The following RAD51B variants were observed in gnomAD, a reference collection of about 807,000 sequenced individuals.
RAD51B encodes DNA repair protein RAD51 homolog 2.
A neutral mutation model predicts 42.2 loss-of-function variants in RAD51B; 38 were observed. The ratio of observed to expected loss-of-function variants is 0.90; its 90% CI spans 0.70 to 1.18. The LOEUF is 1.18. Ranked by LOEUF, RAD51B falls within the 50% of genes most tolerant of loss-of-function variation. The pLI, the probability that RAD51B is intolerant of heterozygous loss-of-function variation, is 0.00. For missense variants in RAD51B, 373 were observed against 400.7 expected (o/e 0.93, Z 0.59); for synonymous variants, 154 against 145.2 (o/e 1.06, Z -0.43).
chr14:67,832,247 A>G (rs915237433), intron 3 of RAD51B, among the ~76,000 whole-genome samples: 7 of 152,218 alleles, frequency 4.6e-5, no homozygotes, highest in Non-Finnish European at 8.8e-5. Context: ...AAGTGCTGGG[A>G]TTACAGGCAT....
At chr14:68,557,823 T>A (rs1178208762) in intron 10 of RAD51B, among the ~76,000 whole-genome samples, 1 of 152,206 alleles carries the variant, frequency 6.6e-6, no homozygotes, top group Non-Finnish European at 1.5e-5. Flanking sequence ...GTTCTCTGCA[T>A]TTCCTGCCTT....
At chr14:67,958,856 TTTTA>T (rs1300097203) in intron 7 of RAD51B, among the ~76,000 whole-genome samples, 1 of 152,198 alleles carries the variant, frequency 6.6e-6, no homozygotes, top group East Asian at 1.9e-4. Flanking sequence ...TTAAGTTTAG[TTTTA>T]TTTGTTAGAA....
intron 11 of RAD51B, among the ~76,000 whole-genome samples, chr14:68,676,181 A>G (rs1176980770): frequency 6.6e-6 from 1 of 152,222 alleles, no homozygotes; most frequent in Admixed American, 6.5e-5. Context: ...TTCATACTGC[A>G]TATGTTACAG....
intron 7 of RAD51B, among the ~76,000 whole-genome samples, chr14:68,188,083 G>C (rs2079192070): frequency 6.6e-6 from 1 of 152,126 alleles, no homozygotes; most frequent in Non-Finnish European, 1.5e-5. Flanking sequence ...CCAAAGTGCT[G>C]GGATTACAGG....
At chr14:68,183,233 C>A (rs1213400885) in intron 7 of RAD51B, among the ~76,000 whole-genome samples, 1 of 152,184 alleles carries the variant, frequency 6.6e-6, no homozygotes, top group Non-Finnish European at 1.5e-5. Context: ...GGGAAACCAA[C>A]AGTGCAGCTT....
intron 7 of RAD51B, among the ~76,000 whole-genome samples, chr14:68,087,405 AG>A (rs1413339553): frequency 2.2e-4 from 34 of 152,168 alleles, no homozygotes; most frequent in African/African-American, 8.0e-4. Context: ...TACCTTAATT[AG>A]CAAAGATATC....
intron 7 of RAD51B, among the ~76,000 whole-genome samples, chr14:67,959,498 C>T (rs1280412438): frequency 1.3e-5 from 2 of 152,212 alleles, no homozygotes; most frequent in East Asian, 3.9e-4. Context: ...CCTCCTGCCT[C>T]AGCCTCCCAA....
At chr14:68,250,459 G>C (rs2080602846) in intron 7 of RAD51B, among the ~76,000 whole-genome samples, 1 of 152,154 alleles carries the variant, frequency 6.6e-6, no homozygotes, top group African/African-American at 2.4e-5. Flanking sequence ...AAGCTATACA[G>C]TTTACTTTTA....
intron 7 of RAD51B, among the ~76,000 whole-genome samples, chr14:67,969,220 A>T (rs573194834): frequency 6.6e-6 from 1 of 152,348 alleles, no homozygotes; most frequent in South Asian, 2.1e-4. Context: ...GAACCAAACC[A>T]TATCAGTAAG....
intron 8 of RAD51B, among the ~76,000 whole-genome samples, chr14:68,367,830 C>A (rs1461943359): frequency 6.6e-6 from 1 of 152,108 alleles, no homozygotes; most frequent in East Asian, 1.9e-4. Context: ...GTGATGGACA[C>A]AAAGTGCTGG....
intron 7 of RAD51B, among the ~76,000 whole-genome samples, chr14:68,142,849 AT>A (rs2078156375): frequency 6.6e-6 from 1 of 152,052 alleles, no homozygotes; most frequent in Non-Finnish European, 1.5e-5. Context: ...TACCAAACTT[AT>A]ATGCAAATTA....
chr14:68,567,907 T>C (rs1458607157), intron 10 of RAD51B, among the ~76,000 whole-genome samples: 2 of 152,358 alleles, frequency 1.3e-5, no homozygotes, highest in East Asian at 1.9e-4. Flanking sequence ...GAGTTCCATA[T>C]GCAGGGCTGA....
intron 7 of RAD51B, among the ~76,000 whole-genome samples, chr14:68,155,170 G>T (rs1191529555): frequency 6.6e-6 from 1 of 151,728 alleles, no homozygotes; most frequent in Non-Finnish European, 1.5e-5. Flanking sequence ...GAGCTGGGTT[G>T]GTATCATAGT....
chr14:67,863,947 CTTA>C (rs1317669223), intron 4 of RAD51B, among the ~76,000 whole-genome samples: 1 of 151,822 alleles, frequency 6.6e-6, no homozygotes, highest in African/African-American at 2.4e-5. Context: ...GCAAGCACAT[CTTA>C]TTATGGCAGA....
intron 7 of RAD51B, among the ~76,000 whole-genome samples, chr14:68,178,309 G>A (rs1353016742): frequency 1.3e-5 from 2 of 152,096 alleles, no homozygotes; most frequent in African/African-American, 4.8e-5. Flanking sequence ...ACTTAATATT[G>A]TTTGATATGA....
intron 7 of RAD51B, among the ~76,000 whole-genome samples, chr14:68,013,213 A>G (rs1019604222): frequency 1.8e-4 from 27 of 152,142 alleles, no homozygotes; most frequent in African/African-American, 6.3e-4. Flanking sequence ...CTCCAAATGA[A>G]CTAGTTTGGG....
chr14:67,849,442 C>T (rs941978267), intron 4 of RAD51B, among the ~76,000 whole-genome samples: 1 of 152,074 alleles, frequency 6.6e-6, no homozygotes, highest in Non-Finnish European at 1.5e-5. Context: ...CCACCACACC[C>T]AGCTAATTTT....
chr14:68,288,016 T>C (rs2081445722), intron 7 of RAD51B, among the ~76,000 whole-genome samples: 1 of 152,180 alleles, frequency 6.6e-6, no homozygotes, highest in South Asian at 2.1e-4. Context: ...ACTGTGCAAA[T>C]TGCTCTTACA....
At chr14:68,596,142 G>A (rs1890989210), downstream of RAD51B, 1 of 611,336 alleles carries the variant, frequency 1.6e-6, no homozygotes, top group Non-Finnish European at 2.1e-6. Context: ...ACACTTCTGG[G>A]GCAAGAGGCA....
Sources: gnomAD v4.1 joint callset for allele counts (sites outside exome capture counted in the v4.1 genomes callset) on GRCh38, gnomAD v4.1.1 for gene constraint, MANE v1.5 for transcripts, NCBI Gene and HGNC (gene_info 2026-07-23, HGNC 2026-07-21) for gene names.